CLVS1: variants seen among roughly 807,000 people sequenced by gnomAD.
CLVS1 encodes clavesin 1, also known as clavesin-1.
A neutral mutation model predicts 33.1 loss-of-function variants in CLVS1; 10 were observed. The observed-to-expected ratio is 0.30, with a 90% CI of 0.19 to 0.51. The LOEUF (loss-of-function observed/expected upper bound fraction) is 0.51. Among genes scored for constraint, CLVS1 ranks in the 20% least tolerant of loss-of-function variants. The probability of loss-of-function intolerance (pLI) is 0.97; values close to 1 mark genes in which losing one functional copy is unlikely to be tolerated. For synonymous variants in CLVS1, 163 were observed against 166.1 expected (o/e 0.98, Z 0.14); for missense variants, 343 against 433.4 (o/e 0.79, Z 1.85).
chr8:61,187,910 T>G (rs1807375988), intron 2 of CLVS1, among the ~76,000 whole-genome samples: 1 of 151,570 alleles, frequency 6.6e-6, no homozygotes, highest in Admixed American at 6.6e-5. Context: ...ATAGGATATA[T>G]TCACGTCTTC....
intron 1 of CLVS1, among the ~76,000 whole-genome samples, chr8:61,104,736 G>GA (rs1805504496): frequency 6.6e-6 from 1 of 152,206 alleles, no homozygotes; most frequent in South Asian, 2.1e-4. Context: ...AAGTTGGCCT[G>GA]AAACTCCAGG....
upstream of CLVS1, among the ~76,000 whole-genome samples, chr8:61,053,865 C>A (rs12682531): frequency 0.044 from 6,759 of 152,274 alleles, 230 homozygotes; most frequent in South Asian, 0.14. Context: ...TCCTACCTGT[C>A]GGGTGGACTC....
chr8:61,121,755 CA>C (rs1442038911), intron 1 of CLVS1, among the ~76,000 whole-genome samples: 2 of 152,160 alleles, frequency 1.3e-5, no homozygotes, highest in Admixed American at 1.3e-4. Flanking sequence ...ATAACAGAAA[CA>C]CACCCACACA....
intron 2 of CLVS1, among the ~76,000 whole-genome samples, chr8:61,222,800 G>T (rs2129310094): frequency 6.6e-6 from 1 of 152,280 alleles, no homozygotes; most frequent in South Asian, 2.1e-4. Context: ...CACTATTATG[G>T]TGGGGGAGTG....
intron 5 of CLVS1, among the ~76,000 whole-genome samples, chr8:61,497,024 C>G (rs1804289632): frequency 6.6e-6 from 1 of 152,142 alleles, no homozygotes; most frequent in Admixed American, 6.5e-5. Flanking sequence ...TGTTAATATA[C>G]AACTATGGGT....
chr8:61,421,351 G>T (rs1254762199), intron 3 of CLVS1, among the ~76,000 whole-genome samples: 3 of 152,232 alleles, frequency 2.0e-5, no homozygotes. Flanking sequence ...GCAGAATAAA[G>T]ACAAAAATAA....
intron 2 of CLVS1, among the ~76,000 whole-genome samples, chr8:61,166,693 T>G (rs1806872863): frequency 6.6e-6 from 1 of 152,108 alleles, no homozygotes; most frequent in South Asian, 2.1e-4. Flanking sequence ...AGGTGTAAAC[T>G]CTTTCCTCAG....
intron 3 of CLVS1, among the ~76,000 whole-genome samples, chr8:61,385,341 A>G (rs1356169846): frequency 6.6e-6 from 1 of 152,200 alleles, no homozygotes; most frequent in African/African-American, 2.4e-5. Context: ...TGAATACACT[A>G]TGTAATATAT....
At chr8:61,202,910 A>C in intron 2 of CLVS1, 2 of 1,116,446 alleles carry the variant, frequency 1.8e-6, no homozygotes, top group Non-Finnish European at 2.7e-6. Context: ...GCTGAAGAAA[A>C]AGTGCCAGTG....
the CLVS1 span, among the ~76,000 whole-genome samples, chr8:60,966,735 T>C: frequency 6.6e-6 from 1 of 152,194 alleles, no homozygotes; most frequent in African/African-American, 2.4e-5. Context: ...TGAATGAACA[T>C]GTAAGAAATA....
intron 1 of CLVS1, among the ~76,000 whole-genome samples, chr8:61,098,873 G>A (rs1288823367): frequency 6.6e-6 from 1 of 152,120 alleles, no homozygotes; most frequent in Non-Finnish European, 1.5e-5. Context: ...TGAACAGTTT[G>A]CCAAAAATGA....
chr8:61,157,682 A>G (rs1316597786), intron 2 of CLVS1, among the ~76,000 whole-genome samples: 1 of 151,936 alleles, frequency 6.6e-6, no homozygotes, highest in Non-Finnish European at 1.5e-5. Context: ...CTAGTATATA[A>G]AGAACTCCTA....
At chr8:61,174,515 A>G (rs1306196393) in intron 2 of CLVS1, among the ~76,000 whole-genome samples, 1 of 152,224 alleles carries the variant, frequency 6.6e-6, no homozygotes, top group East Asian at 1.9e-4. Context: ...TAAGGAAAAA[A>G]TGATAATGTG....
At chr8:61,228,484 G>A (rs1425118930) in intron 2 of CLVS1, among the ~76,000 whole-genome samples, 2 of 152,182 alleles carry the variant, frequency 1.3e-5, no homozygotes, top group Non-Finnish European at 2.9e-5. Flanking sequence ...GCTTAGCCTA[G>A]CTTACCTTAA....
chr8:61,072,558 G>A (rs1380139319), intron 1 of CLVS1, among the ~76,000 whole-genome samples: 2 of 152,162 alleles, frequency 1.3e-5, no homozygotes, highest in Non-Finnish European at 2.9e-5. Flanking sequence ...AACGAAAGAT[G>A]CATTCTAAAC....
At chr8:61,244,745 G>T (rs761905860) in intron 2 of CLVS1, among the ~76,000 whole-genome samples, 16 of 152,124 alleles carry the variant, frequency 1.1e-4, no homozygotes, top group Non-Finnish European at 2.2e-4. Flanking sequence ...GTGTATGGGG[G>T]TATAGGGGAA....
At chr8:61,206,349 G>A (rs951849218) in intron 2 of CLVS1, among the ~76,000 whole-genome samples, 7 of 152,138 alleles carry the variant, frequency 4.6e-5, no homozygotes, top group African/African-American at 1.4e-4. Context: ...TGTGCAGTAG[G>A]TTTGGAGCAG....
intron 3 of CLVS1, among the ~76,000 whole-genome samples, chr8:61,385,612 C>A (rs1445954587): frequency 6.6e-6 from 1 of 152,256 alleles, no homozygotes; most frequent in Non-Finnish European, 1.5e-5. Context: ...ATCTTCCAGG[C>A]TGAGCTAGAC....
At chr8:61,038,084 G>T in the CLVS1 span, among the ~76,000 whole-genome samples, 1 of 152,198 alleles carries the variant, frequency 6.6e-6, no homozygotes, top group Non-Finnish European at 1.5e-5. Context: ...CTGTAGATCA[G>T]TTCTGACTGT....
Sources: gnomAD v4.1 joint callset for allele counts (sites outside exome capture counted in the v4.1 genomes callset) on GRCh38, gnomAD v4.1.1 for gene constraint, MANE v1.5 for transcripts, NCBI Gene and HGNC (gene_info 2026-07-23, HGNC 2026-07-21) for gene names.